Variants in PRIM2 observed in about 807,000 individuals in gnomAD.
The protein encoded by PRIM2 is DNA primase subunit 2, also known as DNA primase large subunit.
A neutral mutation model predicts 67.3 loss-of-function variants in PRIM2; 39 were observed. The ratio of observed to expected loss-of-function variants is 0.58; its 90% confidence interval spans 0.45 to 0.76. PRIM2 has a LOEUF of 0.76. Among genes scored for constraint, PRIM2 ranks in the 30% least tolerant of loss-of-function variants. PRIM2 has a pLI of 0.00. For missense variants in PRIM2, 398 were observed against 598.7 expected, an observed-to-expected ratio of 0.66 and a Z score of 3.50; for synonymous variants, 143 against 198.7, an observed-to-expected ratio of 0.72 and a Z score of 2.36.
chr6:57,240,205 G>T, the PRIM2 span, among the ~76,000 whole-genome samples: 5 of 148,968 alleles, frequency 3.4e-5, no homozygotes, highest in African/African-American at 1.2e-4. Flanking sequence ...GGGTTCAAGC[G>T]ATTCTCCTGC....
the PRIM2 span, among the ~76,000 whole-genome samples, chr6:57,308,716 A>C: frequency 6.6e-6 from 1 of 152,142 alleles, no homozygotes; most frequent in South Asian, 2.1e-4. Flanking sequence ...GCACCTGTAG[A>C]ATATTATCTC....
At chr6:57,525,059 C>G (rs1337416266) in intron 8 of PRIM2, among the ~76,000 whole-genome samples, 1 of 151,880 alleles carries the variant, frequency 6.6e-6, no homozygotes, top group South Asian at 2.1e-4. Context: ...AATTTCTCCC[C>G]CACCCCCTGC....
chr6:57,394,394 T>C (rs1189580728), intron 7 of PRIM2, among the ~76,000 whole-genome samples: 1 of 152,184 alleles, frequency 6.6e-6, no homozygotes, highest in Non-Finnish European at 1.5e-5. Flanking sequence ...GTTAGGTATA[T>C]TCTTAAGTAT....
the PRIM2 span, among the ~76,000 whole-genome samples, chr6:57,268,366 G>C: frequency 1.3e-5 from 2 of 152,098 alleles, no homozygotes; most frequent in Non-Finnish European, 2.9e-5. Flanking sequence ...TCTGTAACTT[G>C]AGCCTCAAGA....
chr6:57,493,282 T>A (rs1554346135), intron 7 of PRIM2, among the ~76,000 whole-genome samples: 185 of 152,336 alleles, frequency 1.2e-3, no homozygotes, highest in African/African-American at 3.3e-3. Flanking sequence ...ATGTCCTGTT[T>A]CCTTAAGTCC....
At chr6:57,336,020 T>A (rs1768233218) in intron 5 of PRIM2, among the ~76,000 whole-genome samples, 1 of 151,786 alleles carries the variant, frequency 6.6e-6, no homozygotes, top group Admixed American at 6.6e-5. Context: ...TTAAAGGAGC[T>A]GATGGAGCTG....
intron 7 of PRIM2, among the ~76,000 whole-genome samples, chr6:57,405,281 G>A (rs2127359260): frequency 6.6e-6 from 1 of 152,380 alleles, no homozygotes; most frequent in East Asian, 1.9e-4. Context: ...TAGAAATTTT[G>A]CACAGGGGAG....
At chr6:57,434,028 G>A (rs1028458765) in intron 7 of PRIM2, among the ~76,000 whole-genome samples, 8 of 151,240 alleles carry the variant, frequency 5.3e-5, no homozygotes, top group African/African-American at 1.9e-4. Flanking sequence ...AGGTTCAAGC[G>A]ATTCTCCTGC....
chr6:57,426,352 G>A (rs1315557538), intron 7 of PRIM2, among the ~76,000 whole-genome samples: 1 of 152,052 alleles, frequency 6.6e-6, no homozygotes, highest in Non-Finnish European at 1.5e-5. Context: ...GTACTTTTTT[G>A]TGTCTGGTTT....
chr6:57,272,239 C>T, the PRIM2 span, among the ~76,000 whole-genome samples: 4 of 152,086 alleles, frequency 2.6e-5, no homozygotes, highest in Non-Finnish European at 5.9e-5. Context: ...GTTAAAGTCT[C>T]CCATTATTAT....
chr6:57,541,187 A>G (rs1176987074), intron 10 of PRIM2, among the ~76,000 whole-genome samples: 1 of 152,220 alleles, frequency 6.6e-6, no homozygotes, highest in Non-Finnish European at 1.5e-5. Context: ...TAAATAGATA[A>G]TGTAAACTTA....
chr6:57,227,559 G>A, the PRIM2 span, among the ~76,000 whole-genome samples: 1 of 147,788 alleles, frequency 6.8e-6, no homozygotes, highest in East Asian at 2.0e-4. Context: ...CATGAGAATT[G>A]CTTGAACCCG....
In PRIM2 at chr6:57,599,769, G is replaced by A. The variant is rs1239941827; in HGVS notation, c.1021-1324G>A. ...ATAGCATTAGGAAGGCTATCAACCC[G>A]TTATTCTGCTTCCATTAAATGTTTT... On this transcript the variant is annotated intron_variant, in intron 10 of 13. Transcript: ENST00000615550. Among the ~76,000 whole-genome samples, 235 of 152,272 alleles carry A rather than the reference G, an allele frequency of 1.5e-3. 5 individuals carry two copies. The East Asian group carries it at 0.019, about 12-fold the overall frequency.
chr6:57,526,961 G>T (rs2127466317), intron 8 of PRIM2, among the ~76,000 whole-genome samples: 1 of 152,292 alleles, frequency 6.6e-6, no homozygotes, highest in Non-Finnish European at 1.5e-5. Context: ...GCAGCAGTAT[G>T]ATAGAAAGCT....
intron 10 of PRIM2, among the ~76,000 whole-genome samples, chr6:57,554,039 A>G (rs1281336025): frequency 6.6e-6 from 1 of 152,236 alleles, no homozygotes; most frequent in Non-Finnish European, 1.5e-5. Flanking sequence ...GATGATGATT[A>G]TCTGCTACAG....
chr6:57,339,525 A>G (rs1000109874), intron 5 of PRIM2, among the ~76,000 whole-genome samples: 16 of 152,216 alleles, frequency 1.1e-4, no homozygotes, highest in African/African-American at 3.6e-4. Flanking sequence ...TCAATGGAAC[A>G]GAACAGAGCC....
intron 13 of PRIM2, among the ~76,000 whole-genome samples, chr6:57,638,944 C>A (rs1462076079): frequency 6.6e-6 from 1 of 152,292 alleles, no homozygotes; most frequent in Admixed American, 6.5e-5. Context: ...CCCAAATCAA[C>A]AGAATATACA....
intron 8 of PRIM2, among the ~76,000 whole-genome samples, chr6:57,509,716 G>A (rs1245011868): frequency 0.05 from 7,506 of 151,162 alleles, 354 homozygotes; most frequent in African/African-American, 0.12. Context: ...TCACCCCTAC[G>A]GCCTTACAAA....
intron 10 of PRIM2, among the ~76,000 whole-genome samples, chr6:57,570,607 A>C (rs1276650627): frequency 4.7e-4 from 72 of 152,334 alleles, no homozygotes; most frequent in African/African-American, 1.7e-3. Flanking sequence ...ATTCTAATAA[A>C]AAAGTATCAA....
Sources: gnomAD v4.1 joint callset for allele counts (sites outside exome capture counted in the v4.1 genomes callset) on GRCh38, gnomAD v4.1.1 for gene constraint, MANE v1.5 for transcripts, NCBI Gene and HGNC (gene_info 2026-07-23, HGNC 2026-07-21) for gene names.